Variants in PRKCQ observed in about 807,000 individuals in gnomAD.
PRKCQ encodes protein kinase C theta, also known as protein kinase C theta type.
Under a neutral mutation model 91.2 loss-of-function variants are expected in PRKCQ, and 41 were observed. The ratio of observed to expected loss-of-function variants is 0.45; its 90% CI spans 0.35 to 0.58. The LOEUF is 0.58. Ranked by LOEUF, PRKCQ falls within the 20% of genes least tolerant of loss-of-function variation. The pLI is 0.00. For missense variants in PRKCQ, 673 were observed against 896.5 expected (o/e 0.75, Z 3.18); for synonymous variants, 307 against 316.9 (o/e 0.97, Z 0.33).
chr10:6,404,940 TTCCTTCCTTCCTTCTA>T, the PRKCQ span, among the ~76,000 whole-genome samples: 4 of 56,652 alleles, frequency 7.1e-5, no homozygotes, highest in African/African-American at 2.3e-4. Context: ...TTCCCTTCCC[TTCCTTCCTTCCTTCTA>T]TCCTTCCTTC....
At chr10:6,400,863 A>C in the PRKCQ span, among the ~76,000 whole-genome samples, 97 of 152,194 alleles carry the variant, frequency 6.4e-4, 1 homozygote, top group Non-Finnish European at 1.0e-3. Context: ...AAGCAGAAGA[A>C]AGAAAGAAAA....
At chr10:6,560,812 G>T (rs1840599953) in intron 1 of PRKCQ, among the ~76,000 whole-genome samples, 1 of 152,106 alleles carries the variant, frequency 6.6e-6, no homozygotes, top group South Asian at 2.1e-4. Flanking sequence ...GGCCGAGGCG[G>T]GTGGATCACG....
At chr10:6,446,066 C>T (rs936142465) in intron 15 of PRKCQ, among the ~76,000 whole-genome samples, 11 of 152,174 alleles carry the variant, frequency 7.2e-5, no homozygotes, top group Non-Finnish European at 8.8e-5. Context: ...CAAACTCACA[C>T]GTGCAGCAGA....
intron 1 of PRKCQ, among the ~76,000 whole-genome samples, chr10:6,527,206 T>A (rs891943434): frequency 6.6e-6 from 1 of 152,170 alleles, no homozygotes; most frequent in Non-Finnish European, 1.5e-5. Flanking sequence ...TTAAGACACA[T>A]GAACTAAGGA....
At chr10:6,515,513 C>A (rs963109142) in intron 1 of PRKCQ, 1 of 984,890 alleles carries the variant, frequency 1.0e-6, no homozygotes, top group Non-Finnish European at 1.2e-6. Context: ...GGAAACAGCA[C>A]ACAGTAATCA....
chr10:6,451,462 G>A (rs902259848), intron 15 of PRKCQ, among the ~76,000 whole-genome samples: 2 of 152,152 alleles, frequency 1.3e-5, no homozygotes, highest in Non-Finnish European at 2.9e-5. Context: ...AAGAGTCTAG[G>A]ACCAGATGGA....
At chr10:6,459,762 A>T (rs61840399) in intron 14 of PRKCQ, among the ~76,000 whole-genome samples, 13,257 of 152,296 alleles carry the variant, frequency 0.087, 646 homozygotes, top group Middle Eastern at 0.18. Context: ...GAGGCTGGTA[A>T]ATCGAGGGCT....
intron 12 of PRKCQ, among the ~76,000 whole-genome samples, chr10:6,476,750 A>C (rs933942599): frequency 6.6e-6 from 1 of 152,220 alleles, no homozygotes; most frequent in African/African-American, 2.4e-5. Flanking sequence ...TGTGTTTAGC[A>C]GTTTGCTACA....
At chr10:6,400,762 C>T in the PRKCQ span, among the ~76,000 whole-genome samples, 1 of 149,948 alleles carries the variant, frequency 6.7e-6, no homozygotes, top group Non-Finnish European at 1.5e-5. Context: ...ACCTACAGTC[C>T]TGGGTGCTCG....
At chr10:6,448,347 G>A (rs1413671726) in intron 15 of PRKCQ, among the ~76,000 whole-genome samples, 1 of 152,068 alleles carries the variant, frequency 6.6e-6, no homozygotes, top group African/African-American at 2.4e-5. Flanking sequence ...TTGAGGGGAG[G>A]GTCACAGACC....
chr10:6,556,495 T>C (rs910674635), intron 1 of PRKCQ, among the ~76,000 whole-genome samples: 2 of 144,500 alleles, frequency 1.4e-5, no homozygotes, highest in African/African-American at 5.2e-5. Flanking sequence ...GGCAAATTCA[T>C]AGAGACAAAG....
intron 1 of PRKCQ, among the ~76,000 whole-genome samples, chr10:6,531,057 T>TG (rs34844011): frequency 0.91 from 138,745 of 152,152 alleles, 63,850 homozygotes; most frequent in East Asian, 1. Context: ...GGAGCCCACA[T>TG]GTTCTCAGAG....
Position 6,459,829 on chromosome 10 carries a change from A to G in PRKCQ, c.1508+2474T>C, listed in dbSNP as rs1835226362. On this transcript the variant is annotated intron_variant, in intron 14 of 17. Coordinates refer to ENST00000263125, the MANE Select transcript of PRKCQ (RefSeq NM_006257.5). Reference sequence around the variant, plus strand: ...TTCCAAATGTCTAGCTTCCAGAATAAGCCACCAAATTTGGGGTAATTTCTT... The same window carrying G: ...TTCCAAATGTCTAGCTTCCAGAATAGGCCACCAAATTTGGGGTAATTTCTT... Among the ~76,000 whole-genome samples the G allele has an allele frequency of 2.0e-5, 3 of 152,252 alleles. No individual in the cohort carries two copies. The South Asian group carries it at 6.2e-4, about 31-fold the overall frequency.
At chr10:6,467,417 G>C (rs946836196) in intron 12 of PRKCQ, among the ~76,000 whole-genome samples, 15 of 132,486 alleles carry the variant, frequency 1.1e-4, no homozygotes, top group Non-Finnish European at 1.8e-4. Context: ...GAGAGAGAGA[G>C]AGAGAGAGAG....
intron 15 of PRKCQ, among the ~76,000 whole-genome samples, chr10:6,442,887 G>A (rs1361564630): frequency 6.6e-6 from 1 of 152,020 alleles, no homozygotes; most frequent in Non-Finnish European, 1.5e-5. Context: ...GCTTGAACCT[G>A]GGAGGCAGTG....
chr10:6,457,328 A>G (rs1422854517), intron 14 of PRKCQ, among the ~76,000 whole-genome samples: 1 of 152,172 alleles, frequency 6.6e-6, no homozygotes, highest in Non-Finnish European at 1.5e-5. Flanking sequence ...AACCCATTCC[A>G]TTCTTAGGGA....
the PRKCQ span, among the ~76,000 whole-genome samples, chr10:6,412,302 C>T: frequency 0.3 from 46,272 of 152,028 alleles, 7,479 homozygotes; most frequent in African/African-American, 0.42. Context: ...TCTTCGAATT[C>T]GCTTTAAGAT....
chr10:6,470,733 T>G (rs1835914615), intron 12 of PRKCQ, among the ~76,000 whole-genome samples: 1 of 151,840 alleles, frequency 6.6e-6, no homozygotes, highest in South Asian at 2.1e-4. Context: ...GGTGGATCAC[T>G]AGAGGTCAGG....
chr10:6,565,412 T>C (rs1000700250), intron 1 of PRKCQ, among the ~76,000 whole-genome samples: 14 of 152,346 alleles, frequency 9.2e-5, no homozygotes, highest in African/African-American at 3.1e-4. Context: ...TCTATGAAAA[T>C]AATAAAATTC....
Sources: allele counts gnomAD v4.1 joint callset (sites outside exome capture counted in the v4.1 genomes callset), GRCh38; gene constraint gnomAD v4.1.1; transcripts MANE v1.5; gene names NCBI Gene and HGNC (gene_info 2026-07-23, HGNC 2026-07-21).